PTPRO: variants seen among roughly 807,000 people sequenced by gnomAD.
PTPRO encodes the protein receptor-type tyrosine-protein phosphatase O.
Under a neutral mutation model 145.2 loss-of-function variants are expected in PTPRO, and 62 were observed. That is an observed-to-expected ratio of 0.43 (90% CI 0.35 to 0.53). The LOEUF is 0.53. Ranked by LOEUF, PTPRO falls within the 20% of genes least tolerant of loss-of-function variation. The probability of loss-of-function intolerance (pLI) is 0.01; values close to 1 mark genes in which losing one functional copy is unlikely to be tolerated. For missense variants in PTPRO, 1,345 were observed against 1,482.7 expected, an observed-to-expected ratio of 0.91 and a Z score of 1.53; for synonymous variants, 565 against 514.7, an observed-to-expected ratio of 1.10 and a Z score of -1.32.
chr12:15,465,259 G>A (rs1791417823), intron 1 of PTPRO, among the ~76,000 whole-genome samples: 1 of 152,186 alleles, frequency 6.6e-6, no homozygotes, highest in African/African-American at 2.4e-5. Context: ...AATAGCATCA[G>A]TGCTGGCTGA....
At chr12:15,468,922 A>G (rs973874685) in intron 1 of PTPRO, among the ~76,000 whole-genome samples, 1 of 152,202 alleles carries the variant, frequency 6.6e-6, no homozygotes, top group Non-Finnish European at 1.5e-5. Context: ...TTATTAAACT[A>G]TTTGCTTTAA....
chr12:15,322,579 C>G lies in PTPRO; in HGVS notation c.-148C>G. 2.8e-6 allele frequency: 2 copies of G among 714,576 alleles called. No individual in the cohort carries two copies. Among genetic ancestry groups the G allele is most frequent in the South Asian group, 1.5e-5 (1 of 65,860 alleles). 44.3% of individuals were successfully genotyped at this position (714,576 alleles called of 1,614,324 possible). ...GGCGCAGAGGAGGAAAGGGAGCAGG[C>G]GCAGGGGGACTGGAAAGGCAGCATG... On this transcript the variant is annotated 5_prime_UTR_variant, in exon 1 of 27. Coordinates refer to ENST00000281171, the MANE Select transcript of PTPRO (RefSeq NM_030667.3). This position sits in a 1 kb window ranked among gnomAD's most constrained non-coding sequence, Gnocchi z 6.3.
At chr12:15,337,917 T>C (rs1299666612) in intron 1 of PTPRO, among the ~76,000 whole-genome samples, 2 of 152,306 alleles carry the variant, frequency 1.3e-5, no homozygotes, top group East Asian at 1.9e-4. Flanking sequence ...AATAGCTGCA[T>C]GTGGCTAAAA....
At chr12:15,566,800 C>T (rs926029111) in intron 18 of PTPRO, among the ~76,000 whole-genome samples, 1 of 152,204 alleles carries the variant, frequency 6.6e-6, no homozygotes, top group Non-Finnish European at 1.5e-5. Context: ...GGATTACAGG[C>T]ATGAGGCACC....
chr12:15,365,770 A>G (rs1938341719), intron 1 of PTPRO, among the ~76,000 whole-genome samples: 1 of 152,150 alleles, frequency 6.6e-6, no homozygotes, highest in African/African-American at 2.4e-5. Flanking sequence ...TGCTTGTGAT[A>G]AAAGAAAGGC....
chr12:15,445,687 T>C (rs565927467), intron 1 of PTPRO, among the ~76,000 whole-genome samples: 15 of 150,752 alleles, frequency 1.0e-4, no homozygotes, highest in Non-Finnish European at 1.5e-4. Flanking sequence ...ATTTATTTTA[T>C]AAAAATGTAG....
intron 22 of PTPRO, among the ~76,000 whole-genome samples, chr12:15,581,298 C>CTT (rs147606138): frequency 0.032 from 3,918 of 122,924 alleles, 177 homozygotes; most frequent in Middle Eastern, 0.038. Context: ...TGAGTGCTTT[C>CTT]TTTTTTTTTT....
At chr12:15,513,166 A>G (rs1363964309) in intron 7 of PTPRO, among the ~76,000 whole-genome samples, 4 of 70,616 alleles carry the variant, frequency 5.7e-5, no homozygotes, top group African/African-American at 2.5e-4. Flanking sequence ...AAAAAGAAAG[A>G]AAGAAAGAAA....
intron 23 of PTPRO, among the ~76,000 whole-genome samples, chr12:15,584,267 T>C (rs1376402174): frequency 2.0e-5 from 3 of 152,234 alleles, no homozygotes; most frequent in Non-Finnish European, 4.4e-5. Flanking sequence ...CAATAGACTT[T>C]CCGTCAGAGA....
chr12:15,361,438 C>CAAA (rs71042244), intron 1 of PTPRO, among the ~76,000 whole-genome samples: 13 of 71,200 alleles, frequency 1.8e-4, no homozygotes, highest in Non-Finnish European at 2.4e-4. Context: ...GACTCAGTCT[C>CAAA]AAAAAAAAAA....
chr12:15,514,813 G>T (rs1484154639), intron 7 of PTPRO, among the ~76,000 whole-genome samples: 1 of 151,372 alleles, frequency 6.6e-6, no homozygotes, highest in African/African-American at 2.4e-5. Flanking sequence ...GCCCAGGCTG[G>T]AGTGCAGTGG....
chr12:15,449,621 T>C (rs1051045496), intron 1 of PTPRO, among the ~76,000 whole-genome samples: 6 of 152,186 alleles, frequency 3.9e-5, no homozygotes, highest in African/African-American at 1.4e-4. Context: ...TGGAAAGTGA[T>C]GGATATGTTA....
chr12:15,587,100 T>C (rs1303146531), intron 24 of PTPRO, 49 bp downstream of exon 24: 1 of 1,601,436 alleles, frequency 6.2e-7, no homozygotes, highest in African/African-American at 1.3e-5. Flanking sequence ...GTTGGTTTTG[T>C]AAGGGGAACA....
intron 1 of PTPRO, among the ~76,000 whole-genome samples, chr12:15,379,993 G>A (rs559221285): frequency 3.9e-5 from 6 of 152,216 alleles, no homozygotes; most frequent in Admixed American, 3.9e-4. Flanking sequence ...TTAAGCCAAT[G>A]AAGAAATGAA....
At chr12:15,342,624 T>A (rs1208765229) in intron 1 of PTPRO, among the ~76,000 whole-genome samples, 3 of 152,166 alleles carry the variant, frequency 2.0e-5, no homozygotes, top group African/African-American at 7.2e-5. Context: ...CAGGTGTTGC[T>A]CAGTGCCCAG....
chr12:15,383,616 A>T (rs1169451943), intron 1 of PTPRO, among the ~76,000 whole-genome samples: 3 of 152,192 alleles, frequency 2.0e-5, no homozygotes, highest in African/African-American at 7.2e-5. Context: ...AATTTTAAAC[A>T]TGTTAGGGGC....
At position 15,592,606 on chromosome 12, in the gene PTPRO, A is replaced by G. The variant is rs116636746; in HGVS notation, c.3547-2331A>G. 4.1e-3 allele frequency among the ~76,000 whole-genome samples: 632 copies of G among 152,328 alleles called. 6 individuals carry two copies. The highest frequency in any genetic ancestry group is 0.015 in the African/African-American group (606 of 41,564). On this transcript the variant is annotated intron_variant, in intron 25 of 26. Coordinates refer to ENST00000281171, the MANE Select transcript of PTPRO (RefSeq NM_030667.3). ...ACTTCATAGACTTCTTCACGCAAGT[A>G]GAGGCGTATTTAGAAAGAATGCCAG... is the stretch of plus-strand genomic sequence containing the variant.
intron 25 of PTPRO, among the ~76,000 whole-genome samples, chr12:15,591,294 C>T (rs1238190636): frequency 6.6e-6 from 1 of 151,994 alleles, no homozygotes; most frequent in Non-Finnish European, 1.5e-5. Flanking sequence ...TTGCTTGAAC[C>T]CAGGAGACGG....
At chr12:15,535,536 T>C (rs1485283886) in intron 12 of PTPRO, among the ~76,000 whole-genome samples, 2 of 152,224 alleles carry the variant, frequency 1.3e-5, no homozygotes. Flanking sequence ...CATATAACTT[T>C]AGTGCTAGGA....
Sources: allele counts gnomAD v4.1 joint callset (sites outside exome capture counted in the v4.1 genomes callset), GRCh38; gene constraint gnomAD v4.1.1; non-coding constraint Gnocchi (gnomAD v3.1); transcripts MANE v1.5; gene names NCBI Gene and HGNC (gene_info 2026-07-23, HGNC 2026-07-21).